Variants in PTPRM observed in about 807,000 individuals in gnomAD.
PTPRM encodes receptor-type tyrosine-protein phosphatase mu.
A neutral mutation model predicts 186.7 loss-of-function variants in PTPRM; 47 were observed. The observed-to-expected ratio is 0.25, with a 90% CI of 0.20 to 0.32. The LOEUF (loss-of-function observed/expected upper bound fraction) is 0.32. PTPRM is among the 10% of genes least tolerant of loss of function. PTPRM has a pLI of 1.00. For synonymous variants in PTPRM, 668 were observed against 674.9 expected, an observed-to-expected ratio of 0.99 and a Z score of 0.16; for missense variants, 1,494 against 1,865.0, an observed-to-expected ratio of 0.80 and a Z score of 3.66.
chr18:7,708,771 A>T (rs560753894), intron 1 of PTPRM, among the ~76,000 whole-genome samples: 1 of 152,288 alleles, frequency 6.6e-6, no homozygotes, highest in East Asian at 1.9e-4. Context: ...ATGAGCAAAT[A>T]TGAATACTGT....
At chr18:7,937,753 A>T (rs769323746) in intron 5 of PTPRM, among the ~76,000 whole-genome samples, 4 of 152,212 alleles carry the variant, frequency 2.6e-5, no homozygotes, top group Non-Finnish European at 4.4e-5. Flanking sequence ...CATCACCTAA[A>T]AGTGACCAAG....
intron 1 of PTPRM, among the ~76,000 whole-genome samples, chr18:7,650,932 CTT>C (rs35637548): frequency 0.022 from 3,066 of 137,044 alleles, 102 homozygotes; most frequent in African/African-American, 0.078. Context: ...AGAGAAATAT[CTT>C]TTTTTTTTTT....
chr18:8,022,059 A>T (rs933635956), intron 7 of PTPRM, among the ~76,000 whole-genome samples: 3 of 152,216 alleles, frequency 2.0e-5, no homozygotes, highest in Non-Finnish European at 2.9e-5. Flanking sequence ...AAAGGAAAAT[A>T]AGAATACAGG....
chr18:7,889,928 T>C (rs1034504212), intron 3 of PTPRM, among the ~76,000 whole-genome samples: 2 of 152,190 alleles, frequency 1.3e-5, no homozygotes, highest in South Asian at 4.1e-4. Flanking sequence ...CTGTTTAAAG[T>C]AACTGAAGGG....
chr18:7,596,952 C>G (rs1259455653), intron 1 of PTPRM, among the ~76,000 whole-genome samples: 1 of 152,048 alleles, frequency 6.6e-6, no homozygotes, highest in Non-Finnish European at 1.5e-5. Context: ...CTCCCAGGCT[C>G]AAGCGATTCT....
intron 19 of PTPRM, among the ~76,000 whole-genome samples, chr18:8,261,417 C>T (rs1284428553): frequency 6.6e-6 from 1 of 152,082 alleles, no homozygotes; most frequent in Non-Finnish European, 1.5e-5. Context: ...TTCTAGAACT[C>T]TGAAATTTTG....
chr18:7,663,359 G>C (rs747206251), intron 1 of PTPRM, among the ~76,000 whole-genome samples: 5 of 152,194 alleles, frequency 3.3e-5, no homozygotes, highest in Non-Finnish European at 7.3e-5. Context: ...ACTGAGAGGG[G>C]TGGGGCAGTG....
intron 1 of PTPRM, among the ~76,000 whole-genome samples, chr18:7,726,075 C>T (rs938781423): frequency 2.6e-5 from 4 of 152,164 alleles, no homozygotes; most frequent in African/African-American, 9.7e-5. Context: ...GCTCCTGCAC[C>T]TGTTCACATG....
intron 17 of PTPRM, 171 bp downstream of exon 17, chr18:8,248,347 T>C (rs762656987): frequency 1.1e-5 from 8 of 732,706 alleles, no homozygotes; most frequent in Non-Finnish European, 2.0e-5. Context: ...GACTTTTCTC[T>C]AAACAGTCGC....
At chr18:8,173,626 A>C (rs762089785) in intron 14 of PTPRM, among the ~76,000 whole-genome samples, 1 of 150,888 alleles carries the variant, frequency 6.6e-6, no homozygotes, top group Admixed American at 6.6e-5. Context: ...ATTCAAATCA[A>C]TCTCTCCAAA....
chr18:7,599,122 A>G (rs1156689887), intron 1 of PTPRM, among the ~76,000 whole-genome samples: 1 of 152,208 alleles, frequency 6.6e-6, no homozygotes, highest in Non-Finnish European at 1.5e-5. Context: ...TGTTGAGAAG[A>G]AGTAATTCTT....
chr18:7,682,976 A>G (rs1234705429), intron 1 of PTPRM, among the ~76,000 whole-genome samples: 3 of 152,076 alleles, frequency 2.0e-5, no homozygotes, highest in Non-Finnish European at 2.9e-5. Context: ...CCAGTTTATA[A>G]GAGAGAAGCT....
chr18:8,177,266 C>T (rs1042089530), intron 14 of PTPRM, among the ~76,000 whole-genome samples: 3 of 152,182 alleles, frequency 2.0e-5, no homozygotes, highest in Non-Finnish European at 4.4e-5. Context: ...AGTTTCCACA[C>T]CTCTTTGTTT....
chr18:8,265,525 A>G (rs148054848), intron 19 of PTPRM, among the ~76,000 whole-genome samples: 8 of 152,362 alleles, frequency 5.3e-5, no homozygotes, highest in African/African-American at 1.9e-4. Context: ...TTTCTAAAAA[A>G]TCTTCTCTGG....
chr18:7,634,641 G>A (rs750571968), intron 1 of PTPRM, among the ~76,000 whole-genome samples: 4 of 152,106 alleles, frequency 2.6e-5, no homozygotes, highest in African/African-American at 7.2e-5. Flanking sequence ...ATCACATTTC[G>A]CCTTTGTAAG....
intron 1 of PTPRM, among the ~76,000 whole-genome samples, chr18:7,652,422 T>G (rs1357212239): frequency 6.6e-6 from 1 of 152,100 alleles, no homozygotes; most frequent in Non-Finnish European, 1.5e-5. Context: ...CAAAGGACTA[T>G]AAATCATGCT....
chr18:7,601,193 GC>G (rs941485422), intron 1 of PTPRM, among the ~76,000 whole-genome samples: 2 of 152,152 alleles, frequency 1.3e-5, no homozygotes, highest in Admixed American at 1.3e-4. Context: ...CGTTTTTCTA[GC>G]CCGCGGTTTC....
intron 14 of PTPRM, among the ~76,000 whole-genome samples, chr18:8,232,633 C>T (rs1568567711): frequency 6.6e-6 from 1 of 152,162 alleles, no homozygotes; most frequent in African/African-American, 2.4e-5. Flanking sequence ...AAGCCATTCT[C>T]CTGCCTCAGC....
At position 8,091,058 on chromosome 18, in the gene PTPRM, CAT is replaced by C. The variant is rs1437093984; in HGVS notation, c.1856+2208_1856+2209del. Among the ~76,000 whole-genome samples the C allele has an allele frequency of 4.6e-5, 7 of 152,270 alleles. No homozygotes were observed. The South Asian group carries it at 6.2e-4, about 14-fold the overall frequency. ...TATTTTGTTGTTGCTTACTTTTACA[CAT>C]GTCTAGTTGTTTTTCGGAGACTTTG... is the stretch of plus-strand genomic sequence containing the variant. On this transcript the variant is annotated intron_variant, in intron 11 of 32. Coordinates refer to ENST00000580170, the MANE Select transcript of PTPRM (RefSeq NM_001105244.2).
Sources: allele counts gnomAD v4.1 joint callset (sites outside exome capture counted in the v4.1 genomes callset), GRCh38; gene constraint gnomAD v4.1.1; transcripts MANE v1.5; gene names NCBI Gene and HGNC (gene_info 2026-07-23, HGNC 2026-07-21).